Variants in SEMA5A observed in about 807,000 individuals in gnomAD.
The protein encoded by SEMA5A is semaphorin 5A, also known as semaphorin-5A.
Under a neutral mutation model 135.5 loss-of-function variants are expected in SEMA5A, and 55 were observed. That is an observed-to-expected ratio of 0.41 (90% CI 0.33 to 0.51). The LOEUF is 0.51. Among genes scored for constraint, SEMA5A ranks in the 20% least tolerant of loss-of-function variants. The pLI, the probability that SEMA5A is intolerant of heterozygous loss-of-function variation, is 0.37. For missense variants in SEMA5A, 1,290 were observed against 1,419.9 expected (o/e 0.91, Z 1.47); for synonymous variants, 580 against 546.5 (o/e 1.06, Z -0.85).
At chr5:9,382,719 T>C (rs1222415740) in intron 2 of SEMA5A, among the ~76,000 whole-genome samples, 1 of 152,188 alleles carries the variant, frequency 6.6e-6, no homozygotes, top group Non-Finnish European at 1.5e-5. Context: ...TACTCAGCTC[T>C]ATGCATGTAT....
At chr5:9,284,101 GATATT>G (rs1363280372) in intron 5 of SEMA5A, among the ~76,000 whole-genome samples, 1 of 104,168 alleles carries the variant, frequency 9.6e-6, no homozygotes, top group East Asian at 2.7e-4. Context: ...TAGATAGATA[GATATT>G]AGAGAGAGAG....
intron 1 of SEMA5A, among the ~76,000 whole-genome samples, chr5:9,515,111 C>A (rs758217229): frequency 2.0e-4 from 31 of 152,200 alleles, no homozygotes; most frequent in Non-Finnish European, 4.3e-4. Flanking sequence ...TTCCCATGAG[C>A]CTACAGTTGC....
intron 1 of SEMA5A, among the ~76,000 whole-genome samples, chr5:9,452,993 T>G (rs932352669): frequency 1.3e-5 from 2 of 152,228 alleles, no homozygotes; most frequent in Non-Finnish European, 2.9e-5. Context: ...CCAGAAATGC[T>G]GCAACCACCA....
chr5:9,162,637 G>A (rs992442435), intron 11 of SEMA5A, among the ~76,000 whole-genome samples: 10 of 145,100 alleles, frequency 6.9e-5, no homozygotes, highest in African/African-American at 1.8e-4. Context: ...AAATGCAGTC[G>A]ATTTCCTTAA....
Position 9,040,492 on chromosome 5 carries a change from T to C in SEMA5A, c.*2405A>G, listed in dbSNP as rs985577259. 6.6e-6 allele frequency: 1 copy of C among 152,250 alleles called. No individual in the cohort carries two copies. The highest frequency in any genetic ancestry group is 1.5e-5 in the Non-Finnish European group (1 of 68,054). The allele number at this position is 152,250 out of a possible 1,614,324, so 9.4% of individuals were successfully genotyped here. On this transcript the variant is annotated 3_prime_UTR_variant, in exon 23 of 23. Coordinates refer to ENST00000382496, the MANE Select transcript of SEMA5A (RefSeq NM_003966.3). ...CAAACACAACTTATTCCACAGCTGG[T>C]AAAATACTTAGAATATATCTGAAAT...
At chr5:9,278,892 T>C (rs1183795993) in intron 5 of SEMA5A, among the ~76,000 whole-genome samples, 2 of 152,252 alleles carry the variant, frequency 1.3e-5, no homozygotes, top group African/African-American at 4.8e-5. Context: ...GGCAGAAGTC[T>C]GCTGCAGGGG....
At chr5:9,108,590 A>G (rs1740054061) in intron 15 of SEMA5A, among the ~76,000 whole-genome samples, 1 of 152,214 alleles carries the variant, frequency 6.6e-6, no homozygotes, top group South Asian at 2.1e-4. Context: ...ACAGACACCC[A>G]AAAATAAGAG....
intron 16 of SEMA5A, among the ~76,000 whole-genome samples, chr5:9,087,302 T>C (rs143278877): frequency 4.9e-4 from 75 of 152,360 alleles, no homozygotes; most frequent in African/African-American, 1.7e-3. Context: ...TAAACATTTC[T>C]AGACTTTAAA....
intron 1 of SEMA5A, among the ~76,000 whole-genome samples, chr5:9,497,592 A>C (rs775510534): frequency 2.0e-5 from 3 of 152,236 alleles, no homozygotes; most frequent in Non-Finnish European, 2.9e-5. Flanking sequence ...CTGCACTTCA[A>C]GATACCAGGC....
At chr5:9,519,668 A>G (rs551662218) in intron 1 of SEMA5A, among the ~76,000 whole-genome samples, 10 of 152,302 alleles carry the variant, frequency 6.6e-5, no homozygotes, top group East Asian at 1.9e-4. Flanking sequence ...GAAGCCAAGA[A>G]CTAGAAAACC....
chr5:9,280,886 A>G, intron 5 of SEMA5A: 1 of 348,646 alleles, frequency 2.9e-6, no homozygotes, highest in South Asian at 2.3e-5. Context: ...GTGTATGTGT[A>G]TCTGTGTGTA....
At chr5:9,125,877 C>T (rs1487009290) in intron 13 of SEMA5A, among the ~76,000 whole-genome samples, 3 of 152,094 alleles carry the variant, frequency 2.0e-5, no homozygotes, top group Admixed American at 2.0e-4. Context: ...TTTATCAGCC[C>T]TCCCTCTTGT....
chr5:9,464,748 A>T (rs998442806), intron 1 of SEMA5A, among the ~76,000 whole-genome samples: 1 of 152,074 alleles, frequency 6.6e-6, no homozygotes. Flanking sequence ...ACAGAATAAA[A>T]TGGAAGAAAG....
chr5:9,304,287 A>T (rs933784067), intron 5 of SEMA5A, among the ~76,000 whole-genome samples: 1 of 152,052 alleles, frequency 6.6e-6, no homozygotes, highest in Admixed American at 6.6e-5. Context: ...GTGTAAAAAA[A>T]TCTACTTTTC....
intron 1 of SEMA5A, among the ~76,000 whole-genome samples, chr5:9,470,746 C>T (rs1185157907): frequency 6.6e-6 from 1 of 152,192 alleles, no homozygotes; most frequent in East Asian, 1.9e-4. Context: ...ACAGCCACCC[C>T]AGAAATCAGC....
At chr5:9,506,283 T>A (rs947669927) in intron 1 of SEMA5A, among the ~76,000 whole-genome samples, 55 of 152,230 alleles carry the variant, frequency 3.6e-4, no homozygotes, top group Middle Eastern at 3.2e-3. Flanking sequence ...TCTTAGTTTG[T>A]TTATATCTGC....
At chr5:9,122,200 T>A (rs1223160879) in intron 14 of SEMA5A, among the ~76,000 whole-genome samples, 2 of 152,162 alleles carry the variant, frequency 1.3e-5, no homozygotes, top group Non-Finnish European at 2.9e-5. Context: ...TTTAAACTGC[T>A]CTCTTGATTA....
chr5:9,190,198 A>C, intron 11 of SEMA5A, 69 bp downstream of exon 11: 3 of 1,499,732 alleles, frequency 2.0e-6, no homozygotes, highest in Non-Finnish European at 1.8e-6. Context: ...TTGAATGTTT[A>C]GAATCTAAAT....
chr5:9,119,189 T>G (rs1740681321), intron 14 of SEMA5A, 48 bp from the exon 15 acceptor site: 2 of 1,595,008 alleles, frequency 1.3e-6, no homozygotes, highest in Admixed American at 1.8e-5. Context: ...AGGCTCAGAG[T>G]CCAAGCCCTG....
Sources: gnomAD v4.1 joint callset for allele counts (sites outside exome capture counted in the v4.1 genomes callset) on GRCh38, gnomAD v4.1.1 for gene constraint, MANE v1.5 for transcripts, NCBI Gene and HGNC (gene_info 2026-07-23, HGNC 2026-07-21) for gene names.